The following CHRM5 variants were observed in gnomAD, a reference collection of about 807,000 sequenced individuals.
CHRM5 encodes the protein muscarinic acetylcholine receptor M5.
In CHRM5, 18 loss-of-function variants were observed where a neutral mutation model predicts 39.0. That is an observed-to-expected ratio of 0.46 (90% CI 0.32 to 0.68). The LOEUF is 0.68. CHRM5 is among the 30% of genes least tolerant of loss of function. The pLI is 0.04. For missense variants in CHRM5, 515 were observed against 651.1 expected (o/e 0.79, Z 2.28); for synonymous variants, 241 against 246.3 (o/e 0.98, Z 0.20).
chr15:34,057,522 C>G (rs1421417074), intron 2 of CHRM5, among the ~76,000 whole-genome samples: 25 of 152,162 alleles, frequency 1.6e-4, no homozygotes, highest in Admixed American at 1.6e-3. Context: ...TGGCTGAATA[C>G]AACATGGGTT....
intron 1 of CHRM5, among the ~76,000 whole-genome samples, chr15:34,011,830 G>C (rs908258607): frequency 6.6e-6 from 1 of 152,184 alleles, no homozygotes; most frequent in Non-Finnish European, 1.5e-5. Context: ...CCACACCAGG[G>C]ACAGACTATG....
At chr15:34,028,844 G>C (rs1258444814) in intron 1 of CHRM5, among the ~76,000 whole-genome samples, 2 of 151,418 alleles carry the variant, frequency 1.3e-5, no homozygotes, top group Admixed American at 6.6e-5. Flanking sequence ...CACCATCATC[G>C]GCCACCACAT....
At chr15:34,035,702 T>C (rs533974252) in intron 1 of CHRM5, among the ~76,000 whole-genome samples, 70 of 152,328 alleles carry the variant, frequency 4.6e-4, no homozygotes, top group African/African-American at 1.5e-3. Context: ...CAGCTGGCCT[T>C]GTCTTCCTCT....
chr15:33,986,278 T>G (rs1323339139), intron 1 of CHRM5, among the ~76,000 whole-genome samples: 1 of 151,702 alleles, frequency 6.6e-6, no homozygotes. Context: ...GGCTAATTTA[T>G]TTTTGTATTT....
intron 1 of CHRM5, among the ~76,000 whole-genome samples, chr15:33,979,290 G>C (rs1896031029): frequency 6.6e-6 from 1 of 152,168 alleles, no homozygotes. Context: ...GGGAGGCCAA[G>C]GAGGAAGGAT....
chr15:34,057,605 G>A (rs1052501311), intron 2 of CHRM5, among the ~76,000 whole-genome samples: 7 of 152,096 alleles, frequency 4.6e-5, no homozygotes, highest in South Asian at 2.1e-4. Flanking sequence ...TTTAAAATCT[G>A]AGACTCAGGT....
intron 1 of CHRM5, among the ~76,000 whole-genome samples, chr15:33,996,358 G>C (rs1020036646): frequency 1.3e-5 from 2 of 152,194 alleles, no homozygotes; most frequent in African/African-American, 4.8e-5. Context: ...TGAGTTCTGA[G>C]AACCGACAGA....
intron 1 of CHRM5, among the ~76,000 whole-genome samples, chr15:33,995,609 AAAC>A (rs1896900388): frequency 6.6e-6 from 1 of 152,234 alleles, no homozygotes; most frequent in Admixed American, 6.5e-5. Context: ...GGACCTAATT[AAAC>A]TAAAGAGTTT....
At chr15:34,040,170 CA>C (rs922746200) in intron 1 of CHRM5, among the ~76,000 whole-genome samples, 3 of 147,780 alleles carry the variant, frequency 2.0e-5, no homozygotes, top group South Asian at 2.1e-4. Flanking sequence ...AAAACAAAAA[CA>C]AAAAAAAAAC....
At chr15:33,999,693 C>T (rs1320817549) in intron 1 of CHRM5, among the ~76,000 whole-genome samples, 1 of 152,152 alleles carries the variant, frequency 6.6e-6, no homozygotes, top group East Asian at 1.9e-4. Context: ...CCTCTGGACC[C>T]AGCAACCACC....
At chr15:34,025,274 A>G (rs1274282817) in intron 1 of CHRM5, among the ~76,000 whole-genome samples, 1 of 152,256 alleles carries the variant, frequency 6.6e-6, no homozygotes, top group African/African-American at 2.4e-5. Context: ...GTTGCAAACT[A>G]TAGAAACCAA....
intron 1 of CHRM5, among the ~76,000 whole-genome samples, chr15:34,005,821 G>C (rs1036429592): frequency 6.6e-6 from 1 of 152,086 alleles, no homozygotes; most frequent in Non-Finnish European, 1.5e-5. Context: ...TCAAGATCAC[G>C]TTCAGCCCAC....
At chr15:34,004,030 G>A (rs1897236920) in intron 1 of CHRM5, among the ~76,000 whole-genome samples, 1 of 152,164 alleles carries the variant, frequency 6.6e-6, no homozygotes, top group South Asian at 2.1e-4. Context: ...TACTCTCTTA[G>A]CACTCTCCAG....
chr15:33,973,455 G>A (rs1030917363), intron 1 of CHRM5, among the ~76,000 whole-genome samples: 1 of 152,106 alleles, frequency 6.6e-6, no homozygotes, highest in Non-Finnish European at 1.5e-5. Context: ...AGTAACTTCT[G>A]GGTAACTTCT....
In CHRM5 at chr15:34,065,610, A is replaced by AT. The variant is rs1900489878; in HGVS notation, c.*1299dup. ...AAGCTGAAAATGATCTGAAAGCTTC[A>AT]TTTTTAAAAACAAAGTGTAGGTCAT... On this transcript the variant is annotated 3_prime_UTR_variant, in exon 3 of 3. Coordinates refer to ENST00000383263, the MANE Select transcript of CHRM5 (RefSeq NM_012125.4). 1 of 152,254 alleles carries AT rather than the reference A, an allele frequency of 6.6e-6. No homozygotes were observed. Among genetic ancestry groups the AT allele is most frequent in the African/African-American group, 2.4e-5 (1 of 41,472 alleles). 9.4% of individuals were successfully genotyped at this position (152,254 alleles called of 1,614,324 possible).
At chr15:33,990,922 T>C (rs1339857812) in intron 1 of CHRM5, 1 of 152,184 alleles carries the variant, frequency 6.6e-6, no homozygotes, top group Non-Finnish European at 1.5e-5. Context: ...GCAGAACTAA[T>C]GAAAATACAG....
intron 1 of CHRM5, among the ~76,000 whole-genome samples, chr15:34,032,890 T>C (rs1009821220): frequency 6.6e-6 from 1 of 152,208 alleles, no homozygotes; most frequent in African/African-American, 2.4e-5. Flanking sequence ...GTTCCAATTA[T>C]TTGCTTTCAA....
rs1386122008 is a variant in CHRM5, at chr15:34,062,806, T to A, written c.89T>A (p.Val30Asp). The change falls in exon 3 of 3, where the codon GTC (valine) becomes GAC (aspartate). Residue 30 changes from valine (V) to aspartate (D), a missense_variant. Transcript: ENST00000383263. ...TTGGAACGCCACAGGTTGTGGGAAG[T>A]CATCACCATTGCAGCTGTGACTGCT... ...QPLERHRLWE[V>D]ITIAAVTAVV... 1 of 1,614,220 alleles carries A rather than the reference T, an allele frequency of 6.2e-7. No homozygotes were observed. The highest frequency in any genetic ancestry group is 2.2e-5 in the East Asian group (1 of 44,886).
At chr15:33,985,084 T>G (rs1896364916) in intron 1 of CHRM5, among the ~76,000 whole-genome samples, 1 of 152,078 alleles carries the variant, frequency 6.6e-6, no homozygotes, top group South Asian at 2.1e-4. Flanking sequence ...CTGTATTTGT[T>G]GGTTTCCTCA....
Sources: allele counts gnomAD v4.1 joint callset (sites outside exome capture counted in the v4.1 genomes callset), GRCh38; gene constraint gnomAD v4.1.1; transcripts MANE v1.5; gene names NCBI Gene and HGNC (gene_info 2026-07-23, HGNC 2026-07-21).